CXADR: variants seen among roughly 807,000 people sequenced by gnomAD.
The protein encoded by CXADR is coxsackievirus and adenovirus receptor.
CXADR carries 20 observed loss-of-function variants against 40.3 expected under a neutral mutation model. The observed-to-expected ratio is 0.50, with a 90% confidence interval of 0.35 to 0.72. CXADR has a LOEUF of 0.72. Ranked by LOEUF, CXADR falls within the 30% of genes least tolerant of loss-of-function variation. The pLI, the probability that CXADR is intolerant of heterozygous loss-of-function variation, is 0.01. For synonymous variants in CXADR, 150 were observed against 161.3 expected, an observed-to-expected ratio of 0.93 and a Z score of 0.53; for missense variants, 332 against 449.1, an observed-to-expected ratio of 0.74 and a Z score of 2.36.
the CXADR span, chr21:17,598,630 CT>C: frequency 6.2e-7 from 1 of 1,613,980 alleles, no homozygotes; most frequent in Non-Finnish European, 8.5e-7. Flanking sequence ...GTACACAGGA[CT>C]TGCGGCTGCA....
In CXADR at chr21:17,569,125, T is replaced by C. The variant is rs532888134; in HGVS notation, c.*3433T>C. Reference sequence around the variant, plus strand: ...TCAAATTCTGTGATGTGTGGCTTCTTAAAAATATTCTCAGTGTCTTTTGTG... The same window carrying C: ...TCAAATTCTGTGATGTGTGGCTTCTCAAAAATATTCTCAGTGTCTTTTGTG... On this transcript the variant is annotated 3_prime_UTR_variant, in exon 7 of 7. Coordinates refer to ENST00000284878, the MANE Select transcript of CXADR (RefSeq NM_001338.5). The C allele has an allele frequency of 1.0e-6, 1 of 985,440 alleles. No homozygotes were observed. The highest frequency in any genetic ancestry group is 6.1e-5 in the Admixed American group (1 of 16,292). The allele number at this position is 985,440 out of a possible 1,614,324, so 61.0% of individuals were successfully genotyped here.
chr21:17,569,539 A>G lies in CXADR; in HGVS notation c.*3847A>G. Reference sequence around the variant, plus strand: ...TATTTTAACACTAAAATAGACCACAACTGAGCACAAATTCCTTTTATAAAT... The same window carrying G: ...TATTTTAACACTAAAATAGACCACAGCTGAGCACAAATTCCTTTTATAAAT... On this transcript the variant is annotated 3_prime_UTR_variant, in exon 7 of 7. Coordinates refer to ENST00000284878, the MANE Select transcript of CXADR (RefSeq NM_001338.5). 1.0e-6 allele frequency: 1 copy of G among 985,352 alleles called. No homozygotes were observed. Among genetic ancestry groups the G allele is most frequent in the Non-Finnish European group, 1.2e-6 (1 of 829,894 alleles). 61.0% of individuals were successfully genotyped at this position (985,352 alleles called of 1,614,324 possible).
downstream of CXADR, among the ~76,000 whole-genome samples, chr21:17,572,521 G>A (rs140961669): frequency 5.5e-3 from 840 of 152,228 alleles, 8 homozygotes; most frequent in African/African-American, 0.018. Flanking sequence ...AGAACTCATT[G>A]TAAGAAGCAT....
chr21:17,611,574 TAC>T, the CXADR span: 1 of 152,076 alleles, frequency 6.6e-6, no homozygotes, highest in East Asian at 1.9e-4. Flanking sequence ...GAGGGAGAGT[TAC>T]AGTCAGGGCA....
At chr21:17,570,245 A>G (rs1281469358), downstream of CXADR, 43 of 910,340 alleles carry the variant, frequency 4.7e-5, no homozygotes, top group Non-Finnish European at 5.5e-5. Context: ...TGCGACAATC[A>G]TATTAATACA....
intron 1 of CXADR, among the ~76,000 whole-genome samples, chr21:17,531,453 T>G (rs1037247348): frequency 1.3e-5 from 2 of 152,194 alleles, no homozygotes; most frequent in Admixed American, 6.5e-5. Context: ...ATGGAAAATT[T>G]CAAATATATG....
In CXADR at chr21:17,547,057, C is replaced by T. The variant is rs867983020; in HGVS notation, c.74C>T (p.Pro25Leu). The T allele has an allele frequency of 1.2e-6, 2 of 1,613,050 alleles. No individual in the cohort carries two copies. The highest frequency in any genetic ancestry group is 1.3e-5 in the African/African-American group (1 of 74,870). The change falls in exon 2 of 7, where the codon CCT becomes CTT. Residue 25 changes from proline (P) to leucine (L), a missense_variant. Physicochemically the swap from Pro to Leu is moderately conservative, Grantham distance 98 (BLOSUM62 -3). Around this residue, in one of 3 missense-constraint regions of CXADR, gnomAD observed 162 missense variants for 198.5 expected, o/e 0.82. Coordinates refer to ENST00000284878, the MANE Select transcript of CXADR (RefSeq NM_001338.5). ...DFARSLSITT[P>L]EEMIEKAKGE... Reference sequence around the variant, plus strand: ...GCCAGAAGTTTGAGTATCACTACTCCTGAAGAGATGATTGAAAAAGCCAAA... The same window carrying T: ...GCCAGAAGTTTGAGTATCACTACTCTTGAAGAGATGATTGAAAAAGCCAAA...
At chr21:17,589,539 A>AT (rs1388430159) in intron 7 of CXADR, among the ~76,000 whole-genome samples, 2 of 151,794 alleles carry the variant, frequency 1.3e-5, no homozygotes, top group African/African-American at 4.8e-5. Context: ...ACCATTAACA[A>AT]TTTTTTGCCC....
intron 3 of CXADR, among the ~76,000 whole-genome samples, chr21:17,555,149 G>A (rs1436705552): frequency 6.6e-6 from 1 of 152,172 alleles, no homozygotes; most frequent in East Asian, 1.9e-4. Flanking sequence ...ACCTTCCCCT[G>A]GAGCTCTGGA....
chr21:17,632,484 G>A, the CXADR span, among the ~76,000 whole-genome samples: 1 of 152,182 alleles, frequency 6.6e-6, no homozygotes, highest in Non-Finnish European at 1.5e-5. Context: ...CTCAAAGGGG[G>A]TTAGAACAGG....
the CXADR span, among the ~76,000 whole-genome samples, chr21:17,601,118 G>T: frequency 6.6e-6 from 1 of 151,156 alleles, no homozygotes; most frequent in Non-Finnish European, 1.5e-5. Flanking sequence ...AGCTGAGATC[G>T]CACCACTGCA....
chr21:17,535,311 A>T (rs2060741046), intron 1 of CXADR, among the ~76,000 whole-genome samples: 1 of 151,936 alleles, frequency 6.6e-6, no homozygotes. Context: ...ATTTTTTGTA[A>T]ATATGAGCTC....
the CXADR span, chr21:17,598,868 G>T: frequency 2.0e-6 from 3 of 1,501,798 alleles, no homozygotes; most frequent in East Asian, 2.3e-5. Context: ...AGTCACATCA[G>T]CAAAGCAAAA....
intron 1 of CXADR, among the ~76,000 whole-genome samples, chr21:17,514,693 G>C (rs938260686): frequency 1.3e-5 from 2 of 151,544 alleles, no homozygotes; most frequent in Non-Finnish European, 2.9e-5. Flanking sequence ...GAGTGCAATG[G>C]CGTGATCTTG....
intron 1 of CXADR, among the ~76,000 whole-genome samples, chr21:17,524,142 C>T (rs908730450): frequency 6.6e-6 from 1 of 151,886 alleles, no homozygotes; most frequent in African/African-American, 2.4e-5. Flanking sequence ...GATCCACCCA[C>T]CTCAGCCTCC....
At chr21:17,525,995 A>G (rs1307495579) in intron 1 of CXADR, among the ~76,000 whole-genome samples, 1 of 152,250 alleles carries the variant, frequency 6.6e-6, no homozygotes, top group Non-Finnish European at 1.5e-5. Context: ...AATACATACA[A>G]AATATGCTTT....
chr21:17,598,634 C>T, the CXADR span: 103 of 1,613,806 alleles, frequency 6.4e-5, no homozygotes, highest in South Asian at 9.9e-4. Context: ...ACAGGACTTG[C>T]GGCTGCAGTC....
chr21:17,606,468 T>C, the CXADR span, among the ~76,000 whole-genome samples: 5 of 152,292 alleles, frequency 3.3e-5, no homozygotes, highest in East Asian at 9.6e-4. Flanking sequence ...TCTTATGCTA[T>C]AGATTCTAAT....
intron 1 of CXADR, among the ~76,000 whole-genome samples, chr21:17,541,027 C>T (rs990132216): frequency 5.9e-5 from 9 of 151,938 alleles, no homozygotes; most frequent in African/African-American, 1.9e-4. Context: ...TACAGAGTTC[C>T]CCTGTACCCC....
Sources: gnomAD v4.1 joint callset for allele counts (sites outside exome capture counted in the v4.1 genomes callset) on GRCh38, gnomAD v4.1.1 for gene constraint, gnomAD v4.1.1 regional missense constraint, MANE v1.5 for transcripts, NCBI Gene and HGNC (gene_info 2026-07-23, HGNC 2026-07-21) for gene names.